TOX2: variants seen among roughly 807,000 people sequenced by gnomAD.
The protein encoded by TOX2 is granulosa cell HMG box 1.
TOX2 carries 15 observed loss-of-function variants against 47.4 expected under a neutral mutation model. That is an observed-to-expected ratio of 0.32 (90% CI 0.21 to 0.49). The LOEUF (loss-of-function observed/expected upper bound fraction) is 0.49, where lower values mean the gene tolerates loss of function less well. Ranked by LOEUF, TOX2 falls within the 20% of genes least tolerant of loss-of-function variation. The pLI is 0.99. For missense variants in TOX2, 622 were observed against 673.1 expected, an observed-to-expected ratio of 0.92 and a Z score of 0.84; for synonymous variants, 290 against 296.6, an observed-to-expected ratio of 0.98 and a Z score of 0.23.
chr20:43,960,129 A>G (rs998157524), intron 1 of TOX2, among the ~76,000 whole-genome samples: 4 of 152,344 alleles, frequency 2.6e-5, no homozygotes, highest in African/African-American at 9.6e-5. Flanking sequence ...GATGTTTGTC[A>G]TTCAATTAAG....
intron 7 of TOX2, 69 bp from the exon 8 acceptor site, chr20:44,066,661 C>T (rs112756899): frequency 5.7e-5 from 92 of 1,611,626 alleles, no homozygotes; most frequent in Middle Eastern, 1.7e-4. Context: ...GCTCTCACCC[C>T]GGGAGGCCTG....
chr20:43,927,692 TCC>T lies in TOX2; in HGVS notation c.99+12705_99+12706del, dbSNP rs1215481967. Among the ~76,000 whole-genome samples the T allele has an allele frequency of 2.4e-4, 21 of 86,396 alleles. 1 individual carries two copies. The highest frequency in any genetic ancestry group is 1.7e-3 in the African/African-American group (21 of 12,004). 56.7% of individuals were successfully genotyped at this position (86,396 alleles called of 152,430 possible). A position where few individuals can be genotyped will look rare whatever the true frequency, so the allele number is the denominator to read the frequency against. ...TCCTTCCTTTCTTCCTTCCTTCCCTTCCCCTTCCTTCCTTTCTTCCTTCCTTC... is the reference window on the plus strand; with the variant it reads ...TCCTTCCTTTCTTCCTTCCTTCCCTTCCTTCCTTCCTTTCTTCCTTCCTTC... On this transcript the variant is annotated intron_variant, in intron 1 of 8. Transcript: ENST00000341197.
At chr20:43,919,257 A>G (rs190424421) in intron 1 of TOX2, among the ~76,000 whole-genome samples, 117 of 152,380 alleles carry the variant, frequency 7.7e-4, no homozygotes, top group Non-Finnish European at 1.4e-3. Flanking sequence ...GCAGTGAACA[A>G]AAGTCACTCA....
chr20:44,062,590 A>C (rs1287548214), intron 5 of TOX2, among the ~76,000 whole-genome samples: 2 of 152,122 alleles, frequency 1.3e-5, no homozygotes, highest in South Asian at 2.1e-4. Flanking sequence ...CTATAAATTA[A>C]ATGCAATTCC....
intron 3 of TOX2, among the ~76,000 whole-genome samples, chr20:44,027,776 C>T (rs968459000): frequency 1.3e-5 from 2 of 152,222 alleles, no homozygotes; most frequent in East Asian, 1.9e-4. Context: ...TTCTGTGTGT[C>T]GGGGGCCAGT....
At chr20:44,067,674 C>T (rs973528024) in intron 8 of TOX2, among the ~76,000 whole-genome samples, 2 of 152,122 alleles carry the variant, frequency 1.3e-5, no homozygotes, top group African/African-American at 4.8e-5. Flanking sequence ...CATGCTAACA[C>T]CTCCCTCTAG....
chr20:44,044,299 A>T (rs2071380300), intron 3 of TOX2, among the ~76,000 whole-genome samples: 1 of 152,064 alleles, frequency 6.6e-6, no homozygotes. Flanking sequence ...GTGGGGAGGG[A>T]TAGCATGAGG....
intron 2 of TOX2, among the ~76,000 whole-genome samples, chr20:43,997,592 T>C (rs953001469): frequency 6.6e-6 from 1 of 152,128 alleles, no homozygotes; most frequent in Non-Finnish European, 1.5e-5. Flanking sequence ...ATTAGCCTTT[T>C]CAAAAAAACA....
rs2071581397 is a variant in TOX2 at position 44,054,405 on chromosome 20, A to C, written c.758A>C (p.Tyr253Ser). 1 of 1,612,732 alleles carries C rather than the reference A, an allele frequency of 6.2e-7. No individual in the cohort carries two copies. The highest frequency in any genetic ancestry group is 1.3e-5 in the African/African-American group (1 of 74,758). The change falls in exon 5 of 9, where the codon TAC becomes TCC. Residue 253 changes from tyrosine to serine, a missense_variant. This residue lies in a region of TOX2 where 21 missense variants were observed against 45.8 expected (regional missense o/e 0.46). Transcript: ENST00000341197. ...PNEPQKPVSA[Y>S]ALFFRDTQAA... is the part of the protein sequence containing the mutation. ...GAGCCGCAGAAGCCTGTGTCGGCCTACGCACTCTTCTTCAGAGACACTCAG... is the reference window on the plus strand; with the variant it reads ...GAGCCGCAGAAGCCTGTGTCGGCCTCCGCACTCTTCTTCAGAGACACTCAG...
intron 1 of TOX2, among the ~76,000 whole-genome samples, chr20:43,963,247 C>T (rs1438574818): frequency 6.6e-6 from 1 of 152,162 alleles, no homozygotes; most frequent in East Asian, 1.9e-4. Context: ...TGACCACTGC[C>T]ATTTTTACAC....
At chr20:44,019,628 T>C (rs2070945542) in intron 3 of TOX2, among the ~76,000 whole-genome samples, 1 of 152,188 alleles carries the variant, frequency 6.6e-6, no homozygotes, top group African/African-American at 2.4e-5. Flanking sequence ...AGTCAGAACC[T>C]GTCATAGGGT....
intron 6 of TOX2, 48 bp from the exon 7 acceptor site, chr20:44,065,664 G>C: frequency 6.5e-7 from 1 of 1,534,282 alleles, no homozygotes; most frequent in Non-Finnish European, 8.8e-7. Flanking sequence ...CCATGTTCTG[G>C]CTCATCCCTC....
intron 1 of TOX2, among the ~76,000 whole-genome samples, chr20:43,951,992 G>A (rs1349107610): frequency 4.0e-5 from 6 of 151,738 alleles, no homozygotes; most frequent in Non-Finnish European, 4.4e-5. Context: ...CACCTCCTGG[G>A]TTCAAGTGAT....
chr20:43,973,412 G>C lies in TOX2; in HGVS notation c.145G>C (p.Glu49Gln). The change falls in exon 2 of 9, where the codon GAG becomes CAG. Residue 49 changes from glutamate to glutamine, a missense_variant. Coordinates refer to ENST00000341197, the MANE Select transcript of TOX2 (RefSeq NM_001098797.2). ...CGTGGGGATGAGTGACGGAAACCCA[G>C]AGCTCCTGTCAACCAGCCAGGTGGG... is the stretch of plus-strand genomic sequence containing the variant. ...AYVGMSDGNP[E>Q]LLSTSQTYNG... The C allele has an allele frequency of 6.2e-6, 10 of 1,614,170 alleles. No homozygotes were observed. The highest frequency in any genetic ancestry group is 8.5e-6 in the Non-Finnish European group (10 of 1,180,034).
At chr20:44,012,879 G>A (rs752078701) in intron 3 of TOX2, among the ~76,000 whole-genome samples, 6 of 152,186 alleles carry the variant, frequency 3.9e-5, no homozygotes, top group Non-Finnish European at 8.8e-5. Flanking sequence ...CTAGGTCCCC[G>A]TCCCAAAGCA....
At chr20:44,051,621 T>C in intron 4 of TOX2, 76 bp downstream of exon 4, 1 of 1,511,206 alleles carries the variant, frequency 6.6e-7, no homozygotes, top group Non-Finnish European at 8.9e-7. Flanking sequence ...GAAATGGGCA[T>C]CACCTCCCTC....
chr20:43,985,404 T>A (rs910290542), intron 2 of TOX2, among the ~76,000 whole-genome samples: 1 of 152,170 alleles, frequency 6.6e-6, no homozygotes, highest in East Asian at 1.9e-4. Context: ...GGCATGATGA[T>A]AAGGAGCTGG....
chr20:44,065,180 G>A (rs556300246), intron 6 of TOX2, among the ~76,000 whole-genome samples: 6 of 152,276 alleles, frequency 3.9e-5, no homozygotes, highest in South Asian at 4.1e-4. Flanking sequence ...ACTTCTGACC[G>A]CTGATGGGGC....
At chr20:44,058,391 G>A (rs2071659228) in intron 5 of TOX2, among the ~76,000 whole-genome samples, 1 of 152,178 alleles carries the variant, frequency 6.6e-6, no homozygotes, top group Non-Finnish European at 1.5e-5. Flanking sequence ...CACAGCATCT[G>A]CAGCAAGCCC....
Sources: allele counts gnomAD v4.1 joint callset (sites outside exome capture counted in the v4.1 genomes callset), GRCh38; gene constraint gnomAD v4.1.1; regional missense constraint gnomAD v4.1.1; transcripts MANE v1.5; gene names NCBI Gene and HGNC (gene_info 2026-07-23, HGNC 2026-07-21).